Variants in TAX1BP1 observed in about 807,000 individuals in gnomAD.
TAX1BP1 encodes Tax1 binding protein 1.
Under a neutral mutation model 97.7 loss-of-function variants are expected in TAX1BP1, and 62 were observed. The ratio of observed to expected loss-of-function variants is 0.63; its 90% confidence interval spans 0.52 to 0.78. The LOEUF (loss-of-function observed/expected upper bound fraction) is 0.78, where lower values mean the gene tolerates loss of function less well. Ranked by LOEUF, TAX1BP1 falls within the 30% of genes least tolerant of loss-of-function variation. TAX1BP1 has a pLI of 0.00. For missense variants in TAX1BP1, 867 were observed against 916.1 expected (o/e 0.95, Z 0.69); for synonymous variants, 340 against 304.2 (o/e 1.12, Z -1.23).
intron 5 of TAX1BP1, 129 bp downstream of exon 5, chr7:27,769,963 T>C: frequency 1.2e-6 from 1 of 808,560 alleles, no homozygotes; most frequent in Non-Finnish European, 2.0e-6. Flanking sequence ...AGATAGACGT[T>C]TATACAAGAA....
intron 13 of TAX1BP1, among the ~76,000 whole-genome samples, chr7:27,805,386 A>AT (rs1398084085): frequency 6.6e-6 from 1 of 152,072 alleles, no homozygotes; most frequent in African/African-American, 2.4e-5. Flanking sequence ...TTTATTTGTG[A>AT]TACATATGTG....
At chr7:27,741,355 C>G (rs954212512) in intron 1 of TAX1BP1, among the ~76,000 whole-genome samples, 23 of 152,188 alleles carry the variant, frequency 1.5e-4, no homozygotes, top group Non-Finnish European at 2.8e-4. Context: ...TTAGGACAGC[C>G]TTTCTCTTTC....
chr7:27,803,254 A>C, intron 13 of TAX1BP1: 7 of 1,304,524 alleles, frequency 5.4e-6, no homozygotes, highest in Non-Finnish European at 7.0e-6. Flanking sequence ...GAAGAGACAC[A>C]TTTTGAAGTT....
intron 3 of TAX1BP1, among the ~76,000 whole-genome samples, chr7:27,763,316 T>C (rs978652552): frequency 1.3e-5 from 2 of 152,232 alleles, no homozygotes; most frequent in African/African-American, 4.8e-5. Context: ...ACTCGAAAAT[T>C]TAGTTTTCAC....
At chr7:27,765,178 G>A (rs1460029885) in intron 3 of TAX1BP1, among the ~76,000 whole-genome samples, 1 of 148,488 alleles carries the variant, frequency 6.7e-6, no homozygotes, top group Non-Finnish European at 1.5e-5. Context: ...ATCACACCTG[G>A]CAAATTTTTG....
rs761764730 is a variant in TAX1BP1 at position 27,799,950 on chromosome 7, A to G, written c.1639-15A>G. On this transcript the variant is annotated splice_polypyrimidine_tract_variant and intron_variant, in intron 12 of 16. Coordinates refer to ENST00000396319, the MANE Select transcript of TAX1BP1 (RefSeq NM_006024.7). ...GAATTTAAAATCTTTTGGTAATTAT[A>G]CTAATTTCATTTAGGATGAGAAAGC... 1.2e-5 allele frequency: 19 copies of G among 1,579,268 alleles called. No individual in the cohort carries two copies. In the South Asian group the frequency reaches 2.1e-4, roughly 18 times the overall value.
chr7:27,819,486 C>T (rs1365317776), intron 15 of TAX1BP1, among the ~76,000 whole-genome samples: 2 of 152,058 alleles, frequency 1.3e-5, no homozygotes, highest in African/African-American at 2.4e-5. Flanking sequence ...ACCAGCATCT[C>T]GAAGATAAGA....
At chr7:27,790,513 G>A (rs892695382) in intron 8 of TAX1BP1, among the ~76,000 whole-genome samples, 3 of 151,564 alleles carry the variant, frequency 2.0e-5, no homozygotes, top group African/African-American at 7.3e-5. Flanking sequence ...TATGAGATAT[G>A]TATTGTTTGT....
At chr7:27,818,121 C>G (rs1790847511) in intron 15 of TAX1BP1, among the ~76,000 whole-genome samples, 1 of 152,170 alleles carries the variant, frequency 6.6e-6, no homozygotes, top group Non-Finnish European at 1.5e-5. Context: ...ATTCTTGGCA[C>G]AGATGTTACA....
intron 13 of TAX1BP1, among the ~76,000 whole-genome samples, chr7:27,807,102 A>G (rs1790367100): frequency 6.6e-6 from 1 of 152,018 alleles, no homozygotes; most frequent in Admixed American, 6.6e-5. Flanking sequence ...TTAAATTTTT[A>G]TGTAATTTCA....
chr7:27,825,279 C>T (rs73684064), intron 15 of TAX1BP1, among the ~76,000 whole-genome samples: 2,221 of 149,818 alleles, frequency 0.015, 52 homozygotes, highest in African/African-American at 0.052. Flanking sequence ...TTAAAAGCTT[C>T]ATTTCCAAAT....
At chr7:27,803,177 GA>G in intron 13 of TAX1BP1, 1 of 1,544,744 alleles carries the variant, frequency 6.5e-7, no homozygotes, top group South Asian at 1.2e-5. Flanking sequence ...TCTCCAGGGA[GA>G]AGGTATTGAG....
At chr7:27,774,137 A>G (rs768062722) in intron 5 of TAX1BP1, among the ~76,000 whole-genome samples, 3 of 152,104 alleles carry the variant, frequency 2.0e-5, no homozygotes, top group Non-Finnish European at 4.4e-5. Flanking sequence ...GGGAAGTATC[A>G]TAGGTATGGG....
intron 5 of TAX1BP1, among the ~76,000 whole-genome samples, chr7:27,783,722 G>A (rs1442457337): frequency 1.3e-5 from 2 of 152,122 alleles, no homozygotes; most frequent in Non-Finnish European, 2.9e-5. Context: ...GGTTAAATCT[G>A]TAGTGTATTT....
chr7:27,749,715 G>A (rs117462481), intron 2 of TAX1BP1, among the ~76,000 whole-genome samples: 2,242 of 152,228 alleles, frequency 0.015, 31 homozygotes, highest in South Asian at 0.069. Flanking sequence ...TTTTGTGTCA[G>A]TTTTTTAGGC....
In TAX1BP1 at chr7:27,807,697, C is replaced by A. The variant is rs990326216; in HGVS notation, c.1764+7607C>A. The stretch of plus-strand genomic sequence containing the variant: ...TAATTTGTAGGGAGATACTTTGAGA[C>A]CATGTAAATATCTTGTTCTTTATCA... On this transcript the variant is annotated intron_variant, in intron 13 of 16. Transcript: ENST00000396319. Among the ~76,000 whole-genome samples, 24 of 152,188 alleles carry A rather than the reference C, an allele frequency of 1.6e-4. No homozygotes were observed. The South Asian group carries it at 3.1e-3, about 20-fold the overall frequency.
chr7:27,823,559 A>G (rs1382094698), intron 15 of TAX1BP1, among the ~76,000 whole-genome samples: 2 of 152,222 alleles, frequency 1.3e-5, no homozygotes, highest in Non-Finnish European at 2.9e-5. Context: ...GATACAGATT[A>G]TGTAACTCAG....
At chr7:27,787,077 C>T (rs954983420) in intron 7 of TAX1BP1, among the ~76,000 whole-genome samples, 5 of 152,112 alleles carry the variant, frequency 3.3e-5, no homozygotes, top group Admixed American at 6.5e-5. Flanking sequence ...TTGAATATGC[C>T]AAATAACATA....
chr7:27,771,455 G>C (rs1452900628), intron 5 of TAX1BP1, among the ~76,000 whole-genome samples: 1 of 151,536 alleles, frequency 6.6e-6, no homozygotes, highest in African/African-American at 2.4e-5. Flanking sequence ...GGAATGATAG[G>C]CCTTCATTTG....
Sources: allele counts gnomAD v4.1 joint callset (sites outside exome capture counted in the v4.1 genomes callset), GRCh38; gene constraint gnomAD v4.1.1; transcripts MANE v1.5; gene names NCBI Gene and HGNC (gene_info 2026-07-23, HGNC 2026-07-21).